PLIN5: variants seen among roughly 807,000 people sequenced by gnomAD.
PLIN5 encodes perilipin-5.
Under a neutral mutation model 32.8 loss-of-function variants are expected in PLIN5, and 34 were observed. That is an observed-to-expected ratio of 1.04 (90% CI 0.79 to 1.38). The LOEUF is 1.38. Ranked by LOEUF, PLIN5 falls within the 40% of genes most tolerant of loss-of-function variation. The pLI is 0.00. For missense variants in PLIN5, 712 were observed against 660.5 expected (o/e 1.08, Z -0.85); for synonymous variants, 309 against 292.9 (o/e 1.05, Z -0.56).
Position 4,525,284 on chromosome 19 carries a change from CAG to C in PLIN5, c.721-210_721-209del, listed in dbSNP as rs1022907661. Among the ~76,000 whole-genome samples the C allele has an allele frequency of 3.5e-4, 53 of 152,260 alleles. No homozygotes were observed. Among genetic ancestry groups the C allele is most frequent in the African/African-American group, 1.3e-3 (53 of 41,554 alleles). On this transcript the variant is annotated intron_variant, in intron 6 of 7. Coordinates refer to ENST00000381848, the MANE Select transcript of PLIN5 (RefSeq NM_001013706.3). The surrounding 1 kb of genome is among the most constrained non-coding windows in gnomAD (Gnocchi z 5.6). ...GGGTAAAGAAGGGACAGACCTGACT[CAG>C]GGGCTCACAGGTGCCCTCTGGTGGC...
chr19:4,525,967 G>T lies in PLIN5; in HGVS notation c.521-135C>A, dbSNP rs1219019226. On this transcript the variant is annotated intron_variant, in intron 5 of 7. Transcript: ENST00000381848. The surrounding 1 kb of genome is among the most constrained non-coding windows in gnomAD (Gnocchi z 5.6). ...TACGGGGACAGCACGGGGACAGCAT[G>T]GGGTCAGCACAGCCACCCACCCCCT... is the stretch of plus-strand genomic sequence containing the variant. 2.3e-6 allele frequency: 2 copies of T among 875,608 alleles called. No homozygotes were observed. The highest frequency in any genetic ancestry group is 3.1e-5 in the African/African-American group (2 of 63,816). The allele number at this position is 875,608 out of a possible 1,614,324, so 54.2% of individuals were successfully genotyped here. A position where few individuals can be genotyped will look rare whatever the true frequency, so the allele number is the denominator to read the frequency against.
chr19:4,529,844 G>T lies in PLIN5; in HGVS notation c.279C>A (p.Ala93=), dbSNP rs201818128. 1.9e-6 allele frequency: 3 copies of T among 1,608,696 alleles called. No individual in the cohort carries two copies. Among genetic ancestry groups the T allele is most frequent in the Non-Finnish European group, 2.5e-6 (3 of 1,176,486 alleles). ...QPQLATMNSL[A]CRGLDKLEEK... is the part of the protein sequence containing the mutation. ...CTTCCAGCTTGTCCAGGCCCCTGCA[G>T]GCGAGGCTGTTCATAGTGGCCACTG... Residue 93 remains alanine, a synonymous_variant, in exon 4 of 8, where the codon GCC becomes GCA. Coordinates refer to ENST00000381848, the MANE Select transcript of PLIN5 (RefSeq NM_001013706.3).
At position 4,529,271 on chromosome 19, in the gene PLIN5, C is replaced by CCCA. The variant is rs1976848214; in HGVS notation, c.340-21_340-19dup. On this transcript the variant is annotated intron_variant, in intron 4 of 7. Transcript: ENST00000381848. Reference sequence around the variant, plus strand: ...GTCACCACCTGGAAGGAAGGGCCCCCCCACTCCAGGCACCGTGGGACTCCA... The same window carrying CCCA: ...GTCACCACCTGGAAGGAAGGGCCCCCCCACCACTCCAGGCACCGTGGGACTCCA... 1 of 1,584,062 alleles carries CCCA rather than the reference C, an allele frequency of 6.3e-7. No individual in the cohort carries two copies. The highest frequency in any genetic ancestry group is 1.4e-5 in the African/African-American group (1 of 74,064).
intron 3 of PLIN5, among the ~76,000 whole-genome samples, 169 bp downstream of exon 3, chr19:4,531,455 AAAG>A (rs1312791618): frequency 2.0e-5 from 3 of 152,178 alleles, no homozygotes; most frequent in East Asian, 1.9e-4. Flanking sequence ...TGATCAGATT[AAAG>A]AAGGACTTAA....
intron 5 of PLIN5, among the ~76,000 whole-genome samples, chr19:4,528,131 G>C (rs942384572): frequency 6.6e-6 from 1 of 151,796 alleles, no homozygotes; most frequent in East Asian, 2.0e-4. Flanking sequence ...GGATGGTCTC[G>C]ATCTCCTGAC....
intron 4 of PLIN5, 60 bp downstream of exon 4, chr19:4,529,724 T>C: frequency 1.0e-5 from 6 of 583,756 alleles, no homozygotes; most frequent in Non-Finnish European, 1.9e-5. Flanking sequence ...CCTCCCTCCC[T>C]CCCGCCTCTA....
chr19:4,531,889 T>A (rs1238643104), intron 2 of PLIN5, 67 bp from the exon 3 acceptor site: 5 of 1,415,520 alleles, frequency 3.5e-6, no homozygotes, highest in Non-Finnish European at 4.6e-6. Context: ...CTCAACCTAC[T>A]TCCCCTCTCT....
chr19:4,525,862 G>A lies in PLIN5; in HGVS notation c.521-30C>T. On this transcript the variant is annotated intron_variant, in intron 5 of 7. Coordinates refer to ENST00000381848, the MANE Select transcript of PLIN5 (RefSeq NM_001013706.3). This position sits in a 1 kb window ranked among gnomAD's most constrained non-coding sequence, Gnocchi z 5.6. ...AGGACAGGATACGGGGACAGCACGG[G>A]GACAGGATACGGGGACAGCACGGGG... The A allele has an allele frequency of 1.3e-6, 2 of 1,523,736 alleles. No individual in the cohort carries two copies. Among genetic ancestry groups the A allele is most frequent in the East Asian group, 2.4e-5 (1 of 41,184 alleles). 94.4% of individuals were successfully genotyped at this position (1,523,736 alleles called of 1,614,324 possible).
At position 4,523,524 on chromosome 19, in the gene PLIN5, T is replaced by C. The variant is rs756286453; in HGVS notation, c.*4A>G. On this transcript the variant is annotated 3_prime_UTR_variant, in exon 8 of 8. Coordinates refer to ENST00000381848, the MANE Select transcript of PLIN5 (RefSeq NM_001013706.3). This position sits in a 1 kb window ranked among gnomAD's most constrained non-coding sequence, Gnocchi z 5.0. ...TTTCCTCCCCGCCTCCACTGGCCCATGGGTCAGAAGTCCAGCTCGGGCATC... is the reference window on the plus strand; with the variant it reads ...TTTCCTCCCCGCCTCCACTGGCCCACGGGTCAGAAGTCCAGCTCGGGCATC... 7 of 1,543,724 alleles carry C rather than the reference T, an allele frequency of 4.5e-6. No homozygotes were observed. The highest frequency in any genetic ancestry group is 6.1e-6 in the Non-Finnish European group (7 of 1,141,710).
chr19:4,525,116 C>T lies in PLIN5; in HGVS notation c.721-40G>A. ...ATGGTGGTCTTCAGAGCTGGGGGAG[C>T]TGGGGGAGCTGGGGGTCGGGGTGGG... On this transcript the variant is annotated intron_variant, in intron 6 of 7. Transcript: ENST00000381848. This position sits in a 1 kb window ranked among gnomAD's most constrained non-coding sequence, Gnocchi z 5.6. The T allele has an allele frequency of 8.0e-6, 3 of 375,138 alleles. No homozygotes were observed. Among genetic ancestry groups the T allele is most frequent in the Non-Finnish European group, 1.4e-5 (3 of 214,002 alleles). The allele number at this position is 375,138 out of a possible 1,614,324, so 23.2% of individuals were successfully genotyped here. A position where few individuals can be genotyped will look rare whatever the true frequency, so the allele number is the denominator to read the frequency against.
Position 4,523,853 on chromosome 19 carries a change from G to C in PLIN5, c.1067C>G (p.Ala356Gly), listed in dbSNP as rs778010755. Residue 356 changes from alanine to glycine, a missense_variant, in exon 8 of 8, where the codon GCC becomes GGC. Transcript: ENST00000381848. The surrounding 1 kb of genome is among the most constrained non-coding windows in gnomAD (Gnocchi z 5.0). Reference sequence around the variant, plus strand: ...CAGCTCCAGCAGCTCGTCCACGCAGGCGTGCGCGTGGGCCACGCGACCCCG... The same window carrying C: ...CAGCTCCAGCAGCTCGTCCACGCAGCCGTGCGCGTGGGCCACGCGACCCCG... ...EGRGRVAHAH[A>G]CVDELLELVV... 1 of 1,562,338 alleles carries C rather than the reference G, an allele frequency of 6.4e-7. No individual in the cohort carries two copies. The highest frequency in any genetic ancestry group is 1.2e-5 in the South Asian group (1 of 85,922).
In PLIN5 at chr19:4,525,657, G is replaced by T; in HGVS notation, c.696C>A (p.Ala232=). 1 of 1,613,518 alleles carries T rather than the reference G, an allele frequency of 6.2e-7. No homozygotes were observed. Among genetic ancestry groups the T allele is most frequent in the African/African-American group, 1.3e-5 (1 of 75,048 alleles). The change falls in exon 6 of 8, where the codon GCC becomes GCA. Residue 232 remains alanine (A), a synonymous_variant. Coordinates refer to ENST00000381848, the MANE Select transcript of PLIN5 (RefSeq NM_001013706.3). The surrounding 1 kb of genome is among the most constrained non-coding windows in gnomAD (Gnocchi z 5.6). ...CCAGCTCCAGCGTCTCCTGCAGCTG[G>T]GCCAGGGTGTCCTGGGCACGGTGTT... ...QSKHRAQDTL[A]QLQETLELID...
intron 5 of PLIN5, among the ~76,000 whole-genome samples, chr19:4,527,554 A>C (rs1358087298): frequency 4.0e-5 from 6 of 149,248 alleles, no homozygotes; most frequent in East Asian, 2.0e-4. Context: ...AAAAAAAAAA[A>C]AAAAAAAAAA....
At position 4,524,047 on chromosome 19, in the gene PLIN5, G is replaced by T; in HGVS notation, c.873C>A (p.Thr291=). The T allele has an allele frequency of 6.8e-7, 1 of 1,476,006 alleles. No homozygotes were observed. Among genetic ancestry groups the T allele is most frequent in the East Asian group, 2.7e-5 (1 of 37,408 alleles). 91.4% of individuals were successfully genotyped at this position (1,476,006 alleles called of 1,614,324 possible). The change falls in exon 8 of 8, where the codon ACC becomes ACA. Residue 291 remains threonine, a synonymous_variant. Transcript: ENST00000381848. ...LETLVLSRSL[T]QELQGTVEAL... is the part of the protein sequence containing the mutation. ...CCTCTACCGTGCCCTGCAGCTCCTG[G>T]GTCAGGCTGCGGGACAGCACCAGCG...
chr19:4,524,830 GCTC>G (rs1450740553), intron 7 of PLIN5, 130 bp downstream of exon 7: 2 of 608,158 alleles, frequency 3.3e-6, no homozygotes, highest in Non-Finnish European at 2.6e-6. Flanking sequence ...AACTAGCTGA[GCTC>G]AGCACTTGGT....
At chr19:4,533,804 TG>T in intron 2 of PLIN5, 1 of 603,152 alleles carries the variant, frequency 1.7e-6, no homozygotes, top group Non-Finnish European at 2.9e-6. Context: ...AGAAGCCAGC[TG>T]GGTGTCTTTG....
Position 4,523,446 on chromosome 19 carries a change from G to A in PLIN5, c.*82C>T, listed in dbSNP as rs1976755391. 12 of 1,445,224 alleles carry A rather than the reference G, an allele frequency of 8.3e-6. No individual in the cohort carries two copies. The highest frequency in any genetic ancestry group is 4.3e-5 in the South Asian group (3 of 69,938). The allele number at this position is 1,445,224 out of a possible 1,614,324, so 89.5% of individuals were successfully genotyped here. ...AAAGAAGGGTCAAGGCCAAGGCCTC[G>A]AGCTTACGTGTGGCCACCAGGGGGC... On this transcript the variant is annotated 3_prime_UTR_variant, in exon 8 of 8. Coordinates refer to ENST00000381848, the MANE Select transcript of PLIN5 (RefSeq NM_001013706.3). The surrounding 1 kb of genome is among the most constrained non-coding windows in gnomAD (Gnocchi z 5.0).
At position 4,527,137 on chromosome 19, in the gene PLIN5, G is replaced by A. The variant is rs565260183; in HGVS notation, c.521-1305C>T. ...GTTGCCCAGGCTGGAGTGCAGTGGCGCAATCTCGGCTCACTGCAAGCTTCA... is the reference window on the plus strand; with the variant it reads ...GTTGCCCAGGCTGGAGTGCAGTGGCACAATCTCGGCTCACTGCAAGCTTCA... On this transcript the variant is annotated intron_variant, in intron 5 of 7. Transcript: ENST00000381848. Among the ~76,000 whole-genome samples, 288 of 151,630 alleles carry A rather than the reference G, an allele frequency of 1.9e-3. 4 individuals are homozygous for A. The highest frequency in any genetic ancestry group is 6.9e-3 in the Middle Eastern group (2 of 290).
Position 4,523,817 on chromosome 19 carries a change from G to T in PLIN5, c.1103C>A (p.Ala368Asp). The part of the protein sequence containing the change: ...VDELLELVVQ[A>D]VPLPWLVGPF... ...TCCCACCAGCCAGGGCAGCGGCACG[G>T]CCTGCACCACCAGCTCCAGCAGCTC... The change falls in exon 8 of 8, where the codon GCC becomes GAC. Residue 368 changes from alanine (A) to aspartate (D), a missense_variant. Ala to Asp is a moderately radical substitution (Grantham distance 126, BLOSUM62 -2). Coordinates refer to ENST00000381848, the MANE Select transcript of PLIN5 (RefSeq NM_001013706.3). This position sits in a 1 kb window ranked among gnomAD's most constrained non-coding sequence, Gnocchi z 5.0. 1 of 1,593,628 alleles carries T rather than the reference G, an allele frequency of 6.3e-7. No individual in the cohort carries two copies. Among genetic ancestry groups the T allele is most frequent in the Non-Finnish European group, 8.5e-7 (1 of 1,177,222 alleles).
Sources: allele counts gnomAD v4.1 joint callset (sites outside exome capture counted in the v4.1 genomes callset), GRCh38; gene constraint gnomAD v4.1.1; non-coding constraint Gnocchi (gnomAD v3.1); transcripts MANE v1.5; gene names NCBI Gene and HGNC (gene_info 2026-07-23, HGNC 2026-07-21).